AK4: variants seen among roughly 807,000 people sequenced by gnomAD.
AK4 encodes the protein adenylate kinase 4, also known as adenylate kinase 4, mitochondrial.
In AK4, 13 loss-of-function variants were observed where a neutral mutation model predicts 24.6. The observed-to-expected ratio is 0.53, with a 90% CI of 0.34 to 0.84. AK4 has a LOEUF of 0.84. Among genes scored for constraint, AK4 ranks in the 40% least tolerant of loss-of-function variants. The pLI is 0.01. For missense variants in AK4, 192 were observed against 288.2 expected (o/e 0.67, Z 2.42); for synonymous variants, 88 against 107.0 (o/e 0.82, Z 1.10).
At chr1:65,219,775 C>T (rs1322853695) in intron 3 of AK4, among the ~76,000 whole-genome samples, 4 of 152,070 alleles carry the variant, frequency 2.6e-5, no homozygotes, top group East Asian at 1.9e-4. Flanking sequence ...TTGACGTTTT[C>T]GTTTTTTATA....
At chr1:65,171,827 G>A (rs769964005) in intron 1 of AK4, among the ~76,000 whole-genome samples, 23 of 151,606 alleles carry the variant, frequency 1.5e-4, no homozygotes, top group Non-Finnish European at 2.5e-4. Flanking sequence ...CAGCACTTTG[G>A]GAGGCTGAAG....
intron 3 of AK4, among the ~76,000 whole-genome samples, chr1:65,221,085 A>G (rs897598781): frequency 1.3e-5 from 2 of 152,236 alleles, no homozygotes. Context: ...GTAAAGGTAT[A>G]TGTGTAAAGA....
intron 2 of AK4, among the ~76,000 whole-genome samples, chr1:65,207,189 T>C (rs935589540): frequency 1.3e-5 from 2 of 152,190 alleles, no homozygotes; most frequent in African/African-American, 4.8e-5. Flanking sequence ...AGTCTTTTTC[T>C]TTTTCTTTCT....
chr1:65,152,339 T>C (rs1649803303), intron 1 of AK4, among the ~76,000 whole-genome samples: 1 of 41,382 alleles, frequency 2.4e-5, no homozygotes, highest in African/African-American at 1.1e-4. Context: ...TCTCTCTCTC[T>C]CTCTCTCTCT....
chr1:65,197,736 A>T (rs1275022576), intron 2 of AK4, among the ~76,000 whole-genome samples: 1 of 152,140 alleles, frequency 6.6e-6, no homozygotes, highest in Non-Finnish European at 1.5e-5. Context: ...GAGCCAGAGT[A>T]TTTTGCCTTG....
rs572928232 is a variant in AK4 at position 65,208,450 on chromosome 1, A to C, written c.266-10304A>C. ...CTCCTGGGCTAGGGAAGGCTGTGGA[A>C]GAATAACCAACCACCTGCTTTCAAC... On this transcript the variant is annotated intron_variant, in intron 2 of 4. Coordinates refer to ENST00000327299, the MANE Select transcript of AK4 (RefSeq NM_013410.4). Among the ~76,000 whole-genome samples the C allele has an allele frequency of 2.0e-5, 3 of 152,334 alleles. No individual in the cohort carries two copies. The East Asian group carries it at 5.8e-4, about 29-fold the overall frequency.
At chr1:65,177,148 A>G (rs539071231) in intron 1 of AK4, among the ~76,000 whole-genome samples, 15 of 152,358 alleles carry the variant, frequency 9.8e-5, no homozygotes, top group Admixed American at 3.3e-4. Flanking sequence ...AATTGCCGCT[A>G]TCATGAGCTA....
At chr1:65,224,696 A>G (rs1270312050) in intron 3 of AK4, 56 bp from the exon 4 acceptor site, 1 of 1,441,012 alleles carries the variant, frequency 6.9e-7, no homozygotes, top group East Asian at 2.3e-5. Flanking sequence ...AAAGTTTTTA[A>G]CCTATGAAAT....
At chr1:65,208,386 G>T (rs1194343673) in intron 2 of AK4, among the ~76,000 whole-genome samples, 1 of 152,170 alleles carries the variant, frequency 6.6e-6, no homozygotes, top group Admixed American at 6.5e-5. Context: ...TAATTAATTT[G>T]CTACTAAGGC....
At chr1:65,166,625 C>A (rs1650338982) in intron 1 of AK4, among the ~76,000 whole-genome samples, 2 of 152,160 alleles carry the variant, frequency 1.3e-5, no homozygotes, top group African/African-American at 2.4e-5. Flanking sequence ...CAGACTCTAG[C>A]AATCCTCCCA....
chr1:65,201,515 T>A (rs919555136), intron 2 of AK4, among the ~76,000 whole-genome samples: 1 of 152,170 alleles, frequency 6.6e-6, no homozygotes, highest in African/African-American at 2.4e-5. Flanking sequence ...CTAGCAAAGC[T>A]TGGTTCATGG....
chr1:65,162,897 T>C (rs1299360931), intron 1 of AK4, among the ~76,000 whole-genome samples: 2 of 152,218 alleles, frequency 1.3e-5, no homozygotes, highest in Non-Finnish European at 2.9e-5. Context: ...TGTTAATATA[T>C]GTGACTTTTT....
chr1:65,168,929 CT>C lies in AK4; in HGVS notation c.145+20380del, dbSNP rs558789110. On this transcript the variant is annotated intron_variant, in intron 1 of 4. Coordinates refer to ENST00000327299, the MANE Select transcript of AK4 (RefSeq NM_013410.4). ...GTGGCCCATGGCTGTAATCCCAGCT[CT>C]TTGGCAGGCTGAGGTGGGAGGACCA... Among the ~76,000 whole-genome samples the C allele has an allele frequency of 5.9e-5, 9 of 152,246 alleles. No homozygotes were observed. In the South Asian group the frequency reaches 1.9e-3, roughly 31 times the overall value.
intron 2 of AK4, among the ~76,000 whole-genome samples, chr1:65,204,688 G>C (rs1281080873): frequency 6.6e-6 from 1 of 152,156 alleles, no homozygotes; most frequent in African/African-American, 2.4e-5. Context: ...TTCAAATTTA[G>C]ACAGGAGGCA....
intron 1 of AK4, among the ~76,000 whole-genome samples, chr1:65,152,815 A>T (rs1485579384): frequency 6.6e-6 from 1 of 152,150 alleles, no homozygotes; most frequent in African/African-American, 2.4e-5. Flanking sequence ...CAGAGGGCTC[A>T]GGGTTCTTTT....
intron 1 of AK4, among the ~76,000 whole-genome samples, chr1:65,178,096 G>A (rs967961569): frequency 6.6e-6 from 1 of 152,142 alleles, no homozygotes; most frequent in Admixed American, 6.5e-5. Flanking sequence ...CTAATAATTT[G>A]TAGGGTCCTG....
intron 1 of AK4, among the ~76,000 whole-genome samples, 172 bp downstream of exon 1, chr1:65,148,724 TG>T (rs1223204836): frequency 6.6e-6 from 1 of 151,458 alleles, no homozygotes; most frequent in Admixed American, 6.6e-5. Flanking sequence ...TAACCGCGCC[TG>T]GGGAGGAGGC....
chr1:65,166,584 G>A (rs80353341), intron 1 of AK4, among the ~76,000 whole-genome samples: 16,960 of 152,126 alleles, frequency 0.11, 1,265 homozygotes, highest in Admixed American at 0.22. Flanking sequence ...GTACAGTGGT[G>A]TGATCAAGGC....
At position 65,205,667 on chromosome 1, in the gene AK4, C is replaced by T. The variant is rs1363518844; in HGVS notation, c.266-13087C>T. The stretch of plus-strand genomic sequence containing the variant: ...ATTTATGTCCTATATAGAGTGTATC[C>T]TCCTGATCTGCAATTCAGTTCTTTC... On this transcript the variant is annotated intron_variant, in intron 2 of 4. Coordinates refer to ENST00000327299, the MANE Select transcript of AK4 (RefSeq NM_013410.4). Among the ~76,000 whole-genome samples the T allele has an allele frequency of 2.6e-5, 4 of 152,180 alleles. No homozygotes were observed. In the East Asian group the frequency reaches 5.8e-4, roughly 22 times the overall value.
Sources: allele counts gnomAD v4.1 joint callset (sites outside exome capture counted in the v4.1 genomes callset), GRCh38; gene constraint gnomAD v4.1.1; transcripts MANE v1.5; gene names NCBI Gene and HGNC (gene_info 2026-07-23, HGNC 2026-07-21).